Variants in PTPRN2 observed in about 807,000 individuals in gnomAD.
PTPRN2 encodes the protein receptor-type tyrosine-protein phosphatase N2.
In PTPRN2, 74 loss-of-function variants were observed where a neutral mutation model predicts 118.8. That is an observed-to-expected ratio of 0.62 (90% CI 0.52 to 0.76). The LOEUF (loss-of-function observed/expected upper bound fraction) is 0.76. Among genes scored for constraint, PTPRN2 ranks in the 30% least tolerant of loss-of-function variants. The pLI is 0.00. For synonymous variants in PTPRN2, 641 were observed against 608.0 expected, an observed-to-expected ratio of 1.05 and a Z score of -0.80; for missense variants, 1,481 against 1,394.4, an observed-to-expected ratio of 1.06 and a Z score of -0.99.
intron 4 of PTPRN2, among the ~76,000 whole-genome samples, chr7:158,193,030 C>T (rs1320611345): frequency 1.3e-5 from 2 of 152,248 alleles, no homozygotes; most frequent in East Asian, 3.9e-4. Context: ...AGCCTCGGGA[C>T]GTCCATGCAG....
At chr7:157,651,110 G>A (rs1340495708) in intron 14 of PTPRN2, among the ~76,000 whole-genome samples, 1 of 152,230 alleles carries the variant, frequency 6.6e-6, no homozygotes, top group Non-Finnish European at 1.5e-5. Flanking sequence ...GCAAATCTGC[G>A]GAAGGTGCGG....
chr7:157,698,922 C>G (rs533812760), intron 12 of PTPRN2, among the ~76,000 whole-genome samples: 59 of 152,300 alleles, frequency 3.9e-4, no homozygotes, highest in African/African-American at 1.4e-3. Flanking sequence ...AGACTCATTA[C>G]CACATGAACA....
chr7:158,124,567 G>A (rs533297132), intron 9 of PTPRN2, among the ~76,000 whole-genome samples: 1 of 152,376 alleles, frequency 6.6e-6, no homozygotes, highest in Non-Finnish European at 1.5e-5. Context: ...TCAGAGTCTT[G>A]AAGAAACATA....
chr7:157,780,125 G>A lies in PTPRN2; in HGVS notation c.1789-97188C>T, dbSNP rs927676253. On this transcript the variant is annotated intron_variant, in intron 12 of 22. Transcript: ENST00000389418. The surrounding 1 kb of genome is among the most constrained non-coding windows in gnomAD (Gnocchi z 4.5). ...GCTCACTAGTGACGAGCAAAAGCCC[G>A]TGAAACTGTCTTTGTTTATGATCCC... Among the ~76,000 whole-genome samples, 7 of 152,170 alleles carry A rather than the reference G, an allele frequency of 4.6e-5. No homozygotes were observed. Among genetic ancestry groups the A allele is most frequent in the South Asian group, 2.1e-4 (1 of 4,828 alleles).
At chr7:158,071,696 T>TG (rs1563392933) in intron 11 of PTPRN2, among the ~76,000 whole-genome samples, 36 of 40,978 alleles carry the variant, frequency 8.8e-4, no homozygotes, top group African/African-American at 2.3e-3. Context: ...TGGAGGTGCT[T>TG]GTGGTGGAGG....
intron 9 of PTPRN2, among the ~76,000 whole-genome samples, chr7:158,128,946 AACACAC>A (rs113152022): frequency 6.7e-6 from 1 of 149,726 alleles, no homozygotes; most frequent in Non-Finnish European, 1.5e-5. Context: ...CAGGCAACCA[AACACAC>A]ACACACACAC....
chr7:157,823,009 T>C (rs1002960010), intron 12 of PTPRN2, among the ~76,000 whole-genome samples: 1 of 151,986 alleles, frequency 6.6e-6, no homozygotes, highest in African/African-American at 2.4e-5. Context: ...CATACAGACA[T>C]ACATGCACCC....
At chr7:158,037,524 C>T (rs1808171108) in intron 11 of PTPRN2, among the ~76,000 whole-genome samples, 1 of 152,192 alleles carries the variant, frequency 6.6e-6, no homozygotes, top group East Asian at 1.9e-4. Flanking sequence ...GTTCCGAGTA[C>T]TGTAGGCAAC....
intron 3 of PTPRN2, among the ~76,000 whole-genome samples, chr7:158,240,509 A>T (rs1469753591): frequency 2.0e-5 from 3 of 152,178 alleles, no homozygotes; most frequent in Non-Finnish European, 4.4e-5. Flanking sequence ...GCTCAGTGCA[A>T]CCACTGCCTC....
intron 1 of PTPRN2, among the ~76,000 whole-genome samples, chr7:158,527,080 GC>G (rs753249124): frequency 3.0e-4 from 45 of 152,158 alleles, no homozygotes; most frequent in Non-Finnish European, 5.3e-4. Context: ...CGCAGAAACT[GC>G]ACAAGCCAAC....
chr7:158,159,523 T>C (rs1366996646), intron 6 of PTPRN2, among the ~76,000 whole-genome samples: 2 of 152,226 alleles, frequency 1.3e-5, no homozygotes, highest in African/African-American at 4.8e-5. Flanking sequence ...GTAATTCCCA[T>C]CCAGGCTCTG....
At position 157,831,849 on chromosome 7, in the gene PTPRN2, T is replaced by C. The variant is rs544738347; in HGVS notation, c.1788+66824A>G. On this transcript the variant is annotated intron_variant, in intron 12 of 22. Coordinates refer to ENST00000389418, the MANE Select transcript of PTPRN2 (RefSeq NM_002847.5). This position sits in a 1 kb window ranked among gnomAD's most constrained non-coding sequence, Gnocchi z 4.8. Reference sequence around the variant, plus strand: ...GAATGGAACCCTAGGCCATAAAATATATGGATATTCCAGGGTTTAATTCAT... The same window carrying C: ...GAATGGAACCCTAGGCCATAAAATACATGGATATTCCAGGGTTTAATTCAT... Among the ~76,000 whole-genome samples, 1 of 152,294 alleles carries C rather than the reference T, an allele frequency of 6.6e-6. No individual in the cohort carries two copies. The highest frequency in any genetic ancestry group is 2.4e-5 in the African/African-American group (1 of 41,570).
rs1327391059 is a variant in PTPRN2 at position 158,167,008 on chromosome 7, G to C, written c.833C>G (p.Pro278Arg). Reference protein sequence around the residue: ...LLRAPSRMPRPLLAPAAPQKW... With the variant: ...LLRAPSRMPRRLLAPAAPQKW... ...CTGGGGGGCGGCTGGTGCCAGCAAA[G>C]GCCTGGGCATTCTTGAGGGTGCACG... Residue 278 changes from proline (P) to arginine (R), a missense_variant, in exon 6 of 23, where the codon CCT (proline) becomes CGT (arginine). By Grantham distance (103) the Pro-to-Arg change is moderately radical (BLOSUM62 -2). Transcript: ENST00000389418. The C allele has an allele frequency of 1.3e-6, 2 of 1,483,796 alleles. No individual in the cohort carries two copies. The highest frequency in any genetic ancestry group is 2.8e-5 in the African/African-American group (2 of 71,288). The allele number at this position is 1,483,796 out of a possible 1,614,324, so 91.9% of individuals were successfully genotyped here.
intron 2 of PTPRN2, among the ~76,000 whole-genome samples, chr7:158,420,388 C>A (rs1815151989): frequency 1.3e-5 from 2 of 152,164 alleles, no homozygotes; most frequent in South Asian, 4.2e-4. Context: ...CATTTGGCTC[C>A]TTTCAGAACA....
chr7:157,596,675 A>G lies in PTPRN2; in HGVS notation c.2419-1360T>C, dbSNP rs1801357020. Among the ~76,000 whole-genome samples, 1 of 152,090 alleles carries G rather than the reference A, an allele frequency of 6.6e-6. No homozygotes were observed. The highest frequency in any genetic ancestry group is 1.5e-5 in the Non-Finnish European group (1 of 68,010). On this transcript the variant is annotated intron_variant, in intron 16 of 22. Coordinates refer to ENST00000389418, the MANE Select transcript of PTPRN2 (RefSeq NM_002847.5). This position sits in a 1 kb window ranked among gnomAD's most constrained non-coding sequence, Gnocchi z 4.2. ...ACCAGCTCCTCCCCACACCTCCCAGAAGCATCTGCAGAGACCGACCCCCGG... is the reference window on the plus strand; with the variant it reads ...ACCAGCTCCTCCCCACACCTCCCAGGAGCATCTGCAGAGACCGACCCCCGG...
intron 2 of PTPRN2, among the ~76,000 whole-genome samples, chr7:158,395,605 T>A (rs868493955): frequency 2.2e-4 from 3 of 13,870 alleles, no homozygotes; most frequent in South Asian, 3.0e-3. Flanking sequence ...GGGTGAGGGG[T>A]GAGGCGCGAG....
rs1337896754 is a variant in PTPRN2 at position 158,271,196 on chromosome 7, G to T, written c.277+45623C>A. ...TCGACTCTAGTGGGTGGCCAGGAGAGGTCACGTGCTGCTTCTCTTGTGTTG... is the reference window on the plus strand; with the variant it reads ...TCGACTCTAGTGGGTGGCCAGGAGATGTCACGTGCTGCTTCTCTTGTGTTG... On this transcript the variant is annotated intron_variant, in intron 3 of 22. Coordinates refer to ENST00000389418, the MANE Select transcript of PTPRN2 (RefSeq NM_002847.5). Among the ~76,000 whole-genome samples the T allele has an allele frequency of 2.6e-5, 4 of 151,870 alleles. No homozygotes were observed. The East Asian group carries it at 7.7e-4, about 29-fold the overall frequency.
At chr7:158,185,190 C>A (rs975619920) in intron 5 of PTPRN2, among the ~76,000 whole-genome samples, 1 of 152,044 alleles carries the variant, frequency 6.6e-6, no homozygotes, top group Non-Finnish European at 1.5e-5. Flanking sequence ...GAATAATAAT[C>A]TGCAGTTTTC....
intron 11 of PTPRN2, among the ~76,000 whole-genome samples, chr7:158,071,586 G>GTA (rs1563392206): frequency 1.8e-5 from 2 of 112,794 alleles, no homozygotes; most frequent in Non-Finnish European, 3.7e-5. Context: ...GGTGCTCCTG[G>GTA]TGGAGGTGCT....
Sources: gnomAD v4.1 joint callset for allele counts (sites outside exome capture counted in the v4.1 genomes callset) on GRCh38, gnomAD v4.1.1 for gene constraint, Gnocchi (gnomAD v3.1) non-coding constraint, MANE v1.5 for transcripts, NCBI Gene and HGNC (gene_info 2026-07-23, HGNC 2026-07-21) for gene names.